NELL1: variants seen among roughly 807,000 people sequenced by gnomAD.
NELL1 encodes protein kinase C-binding protein NELL1.
Under a neutral mutation model 107.4 loss-of-function variants are expected in NELL1, and 76 were observed. The observed-to-expected ratio is 0.71, with a 90% CI of 0.59 to 0.86. The LOEUF is 0.86. Among genes scored for constraint, NELL1 ranks in the 40% least tolerant of loss-of-function variants. The probability of loss-of-function intolerance (pLI) is 0.00; values close to 1 mark genes in which losing one functional copy is unlikely to be tolerated. For synonymous variants in NELL1, 353 were observed against 341.2 expected (o/e 1.03, Z -0.38); for missense variants, 1,024 against 1,005.5 (o/e 1.02, Z -0.25).
chr11:20,851,162 C>T (rs934907939), intron 4 of NELL1, among the ~76,000 whole-genome samples: 11 of 152,142 alleles, frequency 7.2e-5, no homozygotes, highest in African/African-American at 2.7e-4. Context: ...CCAGATAATT[C>T]CATTGCTCTG....
chr11:20,866,431 G>A (rs891096538), intron 4 of NELL1, among the ~76,000 whole-genome samples: 9 of 152,232 alleles, frequency 5.9e-5, no homozygotes, highest in African/African-American at 2.2e-4. Context: ...ACTCTGGTAA[G>A]ATGGACTCTC....
chr11:21,370,397 C>T lies in NELL1; in HGVS notation c.1550-456C>T, dbSNP rs142680470. Among the ~76,000 whole-genome samples, 69 of 151,968 alleles carry T rather than the reference C, an allele frequency of 4.5e-4. 1 individual carries two copies. In the East Asian group the frequency reaches 0.013, roughly 28 times the overall value. ...TTACATTTATATTATAAATATTAAG[C>T]TATATGGACTATCAGAAATCTTTTT... On this transcript the variant is annotated intron_variant, in intron 14 of 19. Transcript: ENST00000357134.
At position 20,703,157 on chromosome 11, in the gene NELL1, A is replaced by G. The variant is rs181518786; in HGVS notation, c.184+25097A>G. On this transcript the variant is annotated intron_variant, in intron 2 of 19. Coordinates refer to ENST00000357134, the MANE Select transcript of NELL1 (RefSeq NM_006157.5). ...CTGGACTTTTTTTGGCTGGTAGGCT[A>G]TTACTTATTGCCTCAATTTCAGAGC... 8.5e-5 allele frequency among the ~76,000 whole-genome samples: 13 copies of G among 152,210 alleles called. No individual in the cohort carries two copies. The East Asian group carries it at 2.3e-3, about 27-fold the overall frequency.
intron 12 of NELL1, among the ~76,000 whole-genome samples, chr11:21,099,083 A>G (rs774933287): frequency 5.9e-5 from 9 of 151,676 alleles, no homozygotes; most frequent in Non-Finnish European, 1.0e-4. Flanking sequence ...AGTCTCTTTT[A>G]TTTTGCTACT....
intron 18 of NELL1, among the ~76,000 whole-genome samples, chr11:21,572,891 T>C (rs1857134558): frequency 6.6e-6 from 1 of 151,834 alleles, no homozygotes; most frequent in African/African-American, 2.4e-5. Context: ...AATGTGGAAT[T>C]GTGCTAATTA....
At chr11:21,239,110 T>C (rs991501513) in intron 14 of NELL1, among the ~76,000 whole-genome samples, 3 of 152,034 alleles carry the variant, frequency 2.0e-5, no homozygotes, top group Admixed American at 1.3e-4. Context: ...ATATTATTAT[T>C]AGCACGATGA....
chr11:20,822,821 T>G (rs1459582289), intron 3 of NELL1, among the ~76,000 whole-genome samples: 1 of 152,144 alleles, frequency 6.6e-6, no homozygotes, highest in African/African-American at 2.4e-5. Context: ...GTAAGATCAT[T>G]GGAAGTCTTA....
chr11:21,460,567 G>A (rs1853875240), intron 15 of NELL1, among the ~76,000 whole-genome samples: 1 of 152,102 alleles, frequency 6.6e-6, no homozygotes, highest in Non-Finnish European at 1.5e-5. Context: ...GCAGCTTGGT[G>A]TGGGGGAACT....
At chr11:20,744,002 T>G (rs1855947902) in intron 2 of NELL1, among the ~76,000 whole-genome samples, 1 of 152,210 alleles carries the variant, frequency 6.6e-6, no homozygotes, top group Non-Finnish European at 1.5e-5. Flanking sequence ...TCTTGAACAC[T>G]GTTATGTTTA....
chr11:21,149,206 A>C (rs1358450617), intron 13 of NELL1, among the ~76,000 whole-genome samples: 1 of 152,184 alleles, frequency 6.6e-6, no homozygotes, highest in Non-Finnish European at 1.5e-5. Flanking sequence ...TCTATATCTT[A>C]GTATTAGATA....
At chr11:20,986,372 A>G (rs1367916017) in intron 12 of NELL1, among the ~76,000 whole-genome samples, 3 of 152,152 alleles carry the variant, frequency 2.0e-5, no homozygotes, top group Non-Finnish European at 4.4e-5. Flanking sequence ...GTTAAGAAAG[A>G]TTGCATTTTT....
intron 14 of NELL1, among the ~76,000 whole-genome samples, chr11:21,278,591 C>G (rs1011458161): frequency 6.6e-6 from 1 of 151,746 alleles, no homozygotes; most frequent in African/African-American, 2.4e-5. Context: ...AAAACATGGA[C>G]GAGATCTATA....
chr11:21,064,199 G>A (rs1189345630), intron 12 of NELL1, among the ~76,000 whole-genome samples: 1 of 152,184 alleles, frequency 6.6e-6, no homozygotes, highest in Non-Finnish European at 1.5e-5. Flanking sequence ...GCCAGATGGT[G>A]TAGGGACTCA....
At chr11:20,942,483 G>A (rs1850876468) in intron 10 of NELL1, among the ~76,000 whole-genome samples, 1 of 152,132 alleles carries the variant, frequency 6.6e-6, no homozygotes, top group Admixed American at 6.5e-5. Context: ...AGGGGAGTAG[G>A]GGAGTAGGGG....
At chr11:21,268,074 C>G (rs1848669903) in intron 14 of NELL1, among the ~76,000 whole-genome samples, 1 of 152,050 alleles carries the variant, frequency 6.6e-6, no homozygotes, top group Non-Finnish European at 1.5e-5. Flanking sequence ...CTGCTGCCCC[C>G]CAAACTGGAA....
intron 13 of NELL1, among the ~76,000 whole-genome samples, chr11:21,137,360 A>T (rs111972310): frequency 1.2e-4 from 19 of 152,102 alleles, no homozygotes; most frequent in Non-Finnish European, 2.8e-4. Flanking sequence ...AGGCAGAAAG[A>T]GTTGGTGGTT....
At chr11:20,934,403 T>C (rs1850680760) in intron 9 of NELL1, among the ~76,000 whole-genome samples, 1 of 152,188 alleles carries the variant, frequency 6.6e-6, no homozygotes, top group Non-Finnish European at 1.5e-5. Context: ...TAAAGTTCAG[T>C]GGACATTTAA....
At chr11:20,725,634 A>G (rs1441154514) in intron 2 of NELL1, among the ~76,000 whole-genome samples, 3 of 152,224 alleles carry the variant, frequency 2.0e-5, no homozygotes, top group Admixed American at 6.5e-5. Flanking sequence ...GCTAATTTGG[A>G]AAAAGTTTTA....
At chr11:20,753,426 A>G (rs569218797) in intron 2 of NELL1, among the ~76,000 whole-genome samples, 41 of 63,910 alleles carry the variant, frequency 6.4e-4, no homozygotes, top group African/African-American at 1.4e-3. Context: ...CTCATATGTC[A>G]TATTTTTTTT....
Sources: allele counts gnomAD v4.1 joint callset (sites outside exome capture counted in the v4.1 genomes callset), GRCh38; gene constraint gnomAD v4.1.1; transcripts MANE v1.5; gene names NCBI Gene and HGNC (gene_info 2026-07-23, HGNC 2026-07-21).